The following VGLL4 variants were observed in gnomAD, a reference collection of about 807,000 sequenced individuals.
VGLL4 encodes transcription cofactor vestigial-like protein 4.
A neutral mutation model predicts 21.0 loss-of-function variants in VGLL4; 7 were observed. That is an observed-to-expected ratio of 0.33 (90% CI 0.19 to 0.63). VGLL4 has a LOEUF of 0.63. Among genes scored for constraint, VGLL4 ranks in the 20% least tolerant of loss-of-function variants. VGLL4 has a pLI of 0.78. For missense variants in VGLL4, 394 were observed against 425.7 expected (o/e 0.93, Z 0.66); for synonymous variants, 222 against 173.2 (o/e 1.28, Z -2.21).
Position 11,719,233 on chromosome 3 carries a change from C to T in VGLL4, c.-14+1161G>A, listed in dbSNP as rs2076959241. ...CCCGAGCCTCCGACTCCCAGGACGTCCTCCGGGAGCCTAGGCGCTTCCGCT... is the reference window on the plus strand; with the variant it reads ...CCCGAGCCTCCGACTCCCAGGACGTTCTCCGGGAGCCTAGGCGCTTCCGCT... On this transcript the variant is annotated intron_variant, in intron 1 of 5. Transcript: ENST00000273038. This position sits in a 1 kb window ranked among gnomAD's most constrained non-coding sequence, Gnocchi z 4.0. Among the ~76,000 whole-genome samples the T allele has an allele frequency of 6.6e-6, 1 of 152,132 alleles. No homozygotes were observed. Among genetic ancestry groups the T allele is most frequent in the South Asian group, 2.1e-4 (1 of 4,830 alleles).
intron 2 of VGLL4, among the ~76,000 whole-genome samples, chr3:11,658,690 A>C (rs1283722437): frequency 6.8e-6 from 1 of 146,534 alleles, no homozygotes; most frequent in Non-Finnish European, 1.5e-5. Flanking sequence ...ATGAGTGAGA[A>C]AATCCATGCC....
rs570245069 is a variant in VGLL4, at chr3:11,583,029, G to A, written c.273-18010C>T. 9.8e-5 allele frequency among the ~76,000 whole-genome samples: 15 copies of A among 152,334 alleles called. No homozygotes were observed. The South Asian group carries it at 2.9e-3, about 29-fold the overall frequency. On this transcript the variant is annotated intron_variant, in intron 2 of 4. Transcript: ENST00000430365. ...GCAAGAAGTTGCTAAGTCTGCAGATGTCTTAGCCATACGCCAGCATCAAGT... is the reference window on the plus strand; with the variant it reads ...GCAAGAAGTTGCTAAGTCTGCAGATATCTTAGCCATACGCCAGCATCAAGT...
At chr3:11,702,731 C>CAAAAAAA (rs370716518) in intron 2 of VGLL4, 5 of 132,322 alleles carry the variant, frequency 3.8e-5, no homozygotes, top group African/African-American at 1.2e-4. Flanking sequence ...GATCCCATCT[C>CAAAAAAA]AAAAAAAAAA....
chr3:11,650,744 C>CACACACACAG (rs1491587847), intron 2 of VGLL4, among the ~76,000 whole-genome samples: 71 of 146,808 alleles, frequency 4.8e-4, no homozygotes, highest in Admixed American at 2.9e-3. Context: ...CACACACACA[C>CACACACACAG]AGACACACAC....
chr3:11,683,140 T>C (rs1312100546), intron 2 of VGLL4, among the ~76,000 whole-genome samples: 1 of 151,918 alleles, frequency 6.6e-6, no homozygotes, highest in Non-Finnish European at 1.5e-5. Flanking sequence ...GGCAGGAGAA[T>C]TGCTTGAACC....
At chr3:11,597,552 C>CA (rs1343712214) in intron 2 of VGLL4, among the ~76,000 whole-genome samples, 46 of 151,556 alleles carry the variant, frequency 3.0e-4, no homozygotes, top group African/African-American at 9.2e-4. Context: ...CTCTCAAAAA[C>CA]AAAAAACAAG....
At position 11,581,346 on chromosome 3, in the gene VGLL4, C is replaced by G. The variant is rs553642618; in HGVS notation, c.273-16327G>C. Among the ~76,000 whole-genome samples, 8 of 152,308 alleles carry G rather than the reference C, an allele frequency of 5.3e-5. No homozygotes were observed. The East Asian group carries it at 1.3e-3, about 26-fold the overall frequency. ...CCTCCTGAAGTTCTGAGATTACAGACGTGAGCCACCGTGCCCAGCCATGCA... is the reference window on the plus strand; with the variant it reads ...CCTCCTGAAGTTCTGAGATTACAGAGGTGAGCCACCGTGCCCAGCCATGCA... On this transcript the variant is annotated intron_variant, in intron 2 of 4. Transcript: ENST00000430365.
At chr3:11,576,372 G>T (rs1393833282) in intron 2 of VGLL4, among the ~76,000 whole-genome samples, 3 of 152,208 alleles carry the variant, frequency 2.0e-5, no homozygotes, top group African/African-American at 7.2e-5. Context: ...ATTTGTAGTT[G>T]TTTTTGTCAT....
At position 11,683,087 on chromosome 3, in the gene VGLL4, C is replaced by T. The variant is rs184253659; in HGVS notation, c.64+19884G>A. Among the ~76,000 whole-genome samples the T allele has an allele frequency of 8.4e-4, 127 of 151,778 alleles. 1 individual carries two copies. The highest frequency in any genetic ancestry group is 2.8e-3 in the African/African-American group (117 of 41,330). On this transcript the variant is annotated intron_variant, in intron 2 of 5. Coordinates refer to the VGLL4 transcript ENST00000273038. ...ACTAAAAATACAAAAACCAGCCGAGCGTGGTGGTGGGCACCTGTAATCCCA... is the reference window on the plus strand; with the variant it reads ...ACTAAAAATACAAAAACCAGCCGAGTGTGGTGGTGGGCACCTGTAATCCCA...
At chr3:11,636,284 C>T (rs1402098394) in intron 1 of VGLL4, among the ~76,000 whole-genome samples, 2 of 152,124 alleles carry the variant, frequency 1.3e-5, no homozygotes, top group Admixed American at 6.5e-5. Context: ...ACATCTGCAT[C>T]AAACCATTAG....
chr3:11,584,828 G>A (rs1357090714), intron 2 of VGLL4, among the ~76,000 whole-genome samples: 1 of 151,694 alleles, frequency 6.6e-6, no homozygotes, highest in Non-Finnish European at 1.5e-5. Context: ...GTGGCCCCAG[G>A]GATCTGGGCT....
chr3:11,702,882 A>C (rs2076703139), intron 2 of VGLL4: 2 of 1,271,088 alleles, frequency 1.6e-6, no homozygotes, highest in Admixed American at 2.8e-5. Flanking sequence ...CCAGAAAACC[A>C]TGTAGAGAAG....
chr3:11,653,218 C>T lies in VGLL4; in HGVS notation c.64+49753G>A, dbSNP rs2075902585. Among the ~76,000 whole-genome samples, 4 of 152,140 alleles carry T rather than the reference C, an allele frequency of 2.6e-5. No homozygotes were observed. Among genetic ancestry groups the T allele is most frequent in the Non-Finnish European group, 4.4e-5 (3 of 68,030 alleles). On this transcript the variant is annotated intron_variant, in intron 2 of 5. Coordinates refer to the VGLL4 transcript ENST00000273038. The surrounding 1 kb of genome is among the most constrained non-coding windows in gnomAD (Gnocchi z 4.2). ...TCATCCTTCCAACCAGTTAGGGTGC[C>T]GTCCAGGAAAGAGAAATCATGGCTG...
chr3:11,667,757 C>T (rs1267195870), intron 2 of VGLL4, among the ~76,000 whole-genome samples: 1 of 147,468 alleles, frequency 6.8e-6, no homozygotes, highest in African/African-American at 2.5e-5. Context: ...GTTACATTTT[C>T]TTTGTTCTAC....
At chr3:11,626,292 C>T (rs2574711) in intron 1 of VGLL4, 49,696 of 447,580 alleles carry the variant, frequency 0.11, 3,509 homozygotes, top group South Asian at 0.19. Flanking sequence ...AAAGACACAA[C>T]CTTTCCAAAA....
At chr3:11,667,242 G>C (rs1224019564) in intron 2 of VGLL4, among the ~76,000 whole-genome samples, 1 of 152,224 alleles carries the variant, frequency 6.6e-6, no homozygotes, top group East Asian at 1.9e-4. Context: ...AAAGCCAGGG[G>C]CTTATGACTG....
chr3:11,598,463 A>AT (rs1263969445), intron 2 of VGLL4, among the ~76,000 whole-genome samples: 2 of 149,344 alleles, frequency 1.3e-5, no homozygotes, highest in Non-Finnish European at 3.0e-5. Flanking sequence ...TACCGAAACT[A>AT]TTTTTTCTTT....
At chr3:11,618,283 A>C (rs1390436431) in intron 1 of VGLL4, among the ~76,000 whole-genome samples, 1 of 152,170 alleles carries the variant, frequency 6.6e-6, no homozygotes, top group Non-Finnish European at 1.5e-5. Context: ...AATTTTACTC[A>C]ATAATTATAG....
intron 2 of VGLL4, among the ~76,000 whole-genome samples, chr3:11,566,047 A>G (rs1194522261): frequency 6.6e-6 from 1 of 152,230 alleles, no homozygotes; most frequent in Admixed American, 6.5e-5. Flanking sequence ...TTATTTTCAG[A>G]GTCTACAAGT....
Sources: allele counts gnomAD v4.1 joint callset (sites outside exome capture counted in the v4.1 genomes callset), GRCh38; gene constraint gnomAD v4.1.1; non-coding constraint Gnocchi (gnomAD v3.1); transcripts MANE v1.5; gene names NCBI Gene and HGNC (gene_info 2026-07-23, HGNC 2026-07-21).